Variants in ZFPM2 observed in about 807,000 individuals in gnomAD.
ZFPM2 encodes zinc finger protein ZFPM2.
In ZFPM2, 20 loss-of-function variants were observed where a neutral mutation model predicts 98.6. The observed-to-expected ratio is 0.20, with a 90% confidence interval of 0.14 to 0.29. The LOEUF is 0.29. Ranked by LOEUF, ZFPM2 falls within the 10% of genes least tolerant of loss-of-function variation. ZFPM2 has a pLI of 1.00. For synonymous variants in ZFPM2, 518 were observed against 502.7 expected (o/e 1.03, Z -0.41); for missense variants, 1,310 against 1,388.6 (o/e 0.94, Z 0.90).
chr8:105,753,778 A>G (rs2131057923), intron 5 of ZFPM2, among the ~76,000 whole-genome samples: 1 of 152,242 alleles, frequency 6.6e-6, no homozygotes, highest in African/African-American at 2.4e-5. Context: ...GGTAACAAAA[A>G]TATCATTAAA....
intron 1 of ZFPM2, among the ~76,000 whole-genome samples, chr8:105,382,025 A>G (rs745771945): frequency 5.3e-5 from 8 of 152,168 alleles, no homozygotes; most frequent in East Asian, 1.9e-4. Flanking sequence ...GCTAAAAACA[A>G]TATATTCAAG....
chr8:105,439,039 T>G (rs751404137), intron 2 of ZFPM2, among the ~76,000 whole-genome samples: 17 of 152,206 alleles, frequency 1.1e-4, no homozygotes, highest in Non-Finnish European at 2.1e-4. Flanking sequence ...ATTTTTCATA[T>G]TTCTCATTGT....
intron 5 of ZFPM2, among the ~76,000 whole-genome samples, chr8:105,703,975 C>T (rs1811200740): frequency 6.6e-6 from 1 of 152,158 alleles, no homozygotes. Flanking sequence ...TCCTCTTCCA[C>T]TTATGCCCCA....
chr8:105,723,316 G>A (rs1268603940), intron 5 of ZFPM2, among the ~76,000 whole-genome samples: 1 of 151,818 alleles, frequency 6.6e-6, no homozygotes, highest in Non-Finnish European at 1.5e-5. Context: ...AACAATGACG[G>A]CATATTCAGT....
At chr8:105,525,294 C>T (rs1477802525) in intron 3 of ZFPM2, among the ~76,000 whole-genome samples, 1 of 152,172 alleles carries the variant, frequency 6.6e-6, no homozygotes, top group African/African-American at 2.4e-5. Context: ...TACTTCTGAC[C>T]TATCAGCTTT....
intron 5 of ZFPM2, among the ~76,000 whole-genome samples, chr8:105,783,487 T>A: frequency 6.6e-6 from 1 of 152,090 alleles, no homozygotes; most frequent in East Asian, 1.9e-4. Context: ...CCACCATCCA[T>A]CTCTAGAGCT....
intron 1 of ZFPM2, among the ~76,000 whole-genome samples, chr8:105,406,338 T>G (rs1378507311): frequency 6.6e-6 from 1 of 152,108 alleles, no homozygotes; most frequent in Non-Finnish European, 1.5e-5. Context: ...GTTTTAAACA[T>G]GAAGTCCTTT....
At chr8:105,407,457 A>G (rs1429827166) in intron 1 of ZFPM2, among the ~76,000 whole-genome samples, 1 of 151,982 alleles carries the variant, frequency 6.6e-6, no homozygotes, top group Non-Finnish European at 1.5e-5. Flanking sequence ...ATGTTTAGTC[A>G]TAGATCTATT....
In ZFPM2 at chr8:105,802,012, A is replaced by C; in HGVS notation, c.1930A>C (p.Lys644Gln). 2 of 1,613,848 alleles carry C rather than the reference A, an allele frequency of 1.2e-6. No individual in the cohort carries two copies. Among genetic ancestry groups the C allele is most frequent in the Non-Finnish European group, 1.7e-6 (2 of 1,179,868 alleles). Residue 644 changes from lysine (K) to glutamine (Q), a missense_variant, in exon 8 of 8, where the codon AAG becomes CAG. By Grantham distance (53) the Lys-to-Gln change is moderately conservative (BLOSUM62 1). Coordinates refer to ENST00000407775, the MANE Select transcript of ZFPM2 (RefSeq NM_012082.4). ...LIGPNGKGHD[K>Q]DFSTQTKKLS... is the part of the protein sequence containing the mutation. ...TGGGCCAAATGGGAAGGGCCATGACAAGGACTTTTCCACTCAAACTAAGAA... is the reference window on the plus strand; with the variant it reads ...TGGGCCAAATGGGAAGGGCCATGACCAGGACTTTTCCACTCAAACTAAGAA...
intron 5 of ZFPM2, among the ~76,000 whole-genome samples, chr8:105,659,335 C>A (rs1249147574): frequency 3.3e-5 from 5 of 152,012 alleles, no homozygotes; most frequent in South Asian, 2.1e-4. Context: ...TATGCCCTAA[C>A]CTTCAACTCT....
chr8:105,715,865 G>C (rs1201955055), intron 5 of ZFPM2, among the ~76,000 whole-genome samples: 1 of 152,026 alleles, frequency 6.6e-6, no homozygotes, highest in East Asian at 1.9e-4. Context: ...TCTGGGACTA[G>C]GGCCAATGAA....
At chr8:105,520,727 C>CT (rs892253038) in intron 3 of ZFPM2, among the ~76,000 whole-genome samples, 5 of 151,472 alleles carry the variant, frequency 3.3e-5, no homozygotes, top group African/African-American at 9.7e-5. Flanking sequence ...TATGGGGAAG[C>CT]TTTTTTTGGA....
chr8:105,526,922 A>G (rs1472323294), intron 3 of ZFPM2, among the ~76,000 whole-genome samples: 1 of 152,040 alleles, frequency 6.6e-6, no homozygotes, highest in Non-Finnish European at 1.5e-5. Context: ...GGTTGCCTCC[A>G]TTTACCATCT....
intron 5 of ZFPM2, among the ~76,000 whole-genome samples, chr8:105,710,863 C>T (rs1811376056): frequency 6.6e-6 from 1 of 151,972 alleles, no homozygotes; most frequent in African/African-American, 2.4e-5. Context: ...ATAATAGTAA[C>T]TTATTCGTAA....
At chr8:105,418,451 C>T (rs1811724085) in intron 1 of ZFPM2, 1 of 454,400 alleles carries the variant, frequency 2.2e-6, no homozygotes, top group Non-Finnish European at 4.3e-6. Context: ...ATGTAGCGCA[C>T]CTCACTCTCA....
chr8:105,478,825 T>C (rs948058148), intron 3 of ZFPM2, among the ~76,000 whole-genome samples: 1 of 152,224 alleles, frequency 6.6e-6, no homozygotes, highest in Non-Finnish European at 1.5e-5. Flanking sequence ...TTCAAACTCC[T>C]AATCAGTATT....
intron 5 of ZFPM2, chr8:105,780,136 G>A (rs1438089994): frequency 1.3e-5 from 2 of 152,176 alleles, no homozygotes; most frequent in African/African-American, 4.8e-5. Flanking sequence ...TATTTGTGAA[G>A]GGAGTGGTAT....
rs187204489 is a variant in ZFPM2 at position 105,592,289 on chromosome 8, A to C, written c.420+30808A>C. Among the ~76,000 whole-genome samples the C allele has an allele frequency of 9.3e-4, 141 of 152,238 alleles. 2 individuals are homozygous for C. In the South Asian group the frequency reaches 0.021, roughly 23 times the overall value. ...GGTTGTCTGAAATGTAAAAATATAA[A>C]AATGCAATCATATTAAGAATTGAAA... On this transcript the variant is annotated intron_variant, in intron 4 of 7. Coordinates refer to ENST00000407775, the MANE Select transcript of ZFPM2 (RefSeq NM_012082.4).
intron 2 of ZFPM2, 78 bp from the exon 3 acceptor site, chr8:105,444,202 C>T (rs1432979560): frequency 9.3e-7 from 1 of 1,076,150 alleles, no homozygotes; most frequent in Non-Finnish European, 1.4e-6. Context: ...ATGATAAGGA[C>T]ATCCCTTTAT....
Sources: gnomAD v4.1 joint callset for allele counts (sites outside exome capture counted in the v4.1 genomes callset) on GRCh38, gnomAD v4.1.1 for gene constraint, MANE v1.5 for transcripts, NCBI Gene and HGNC (gene_info 2026-07-23, HGNC 2026-07-21) for gene names.